F13A1: variants seen among roughly 807,000 people sequenced by gnomAD.
F13A1 encodes coagulation factor XIII A chain, also known as FSF, A subunit.
Under a neutral mutation model 80.1 loss-of-function variants are expected in F13A1, and 47 were observed. The ratio of observed to expected loss-of-function variants is 0.59; its 90% CI spans 0.46 to 0.75. F13A1 has a LOEUF of 0.75. Ranked by LOEUF, F13A1 falls within the 30% of genes least tolerant of loss-of-function variation. The pLI, the probability that F13A1 is intolerant of heterozygous loss-of-function variation, is 0.00. For synonymous variants in F13A1, 349 were observed against 344.9 expected (o/e 1.01, Z -0.13); for missense variants, 817 against 930.4 (o/e 0.88, Z 1.59).
chr6:6,259,986 T>C (rs1165198378), intron 4 of F13A1, among the ~76,000 whole-genome samples: 1 of 152,164 alleles, frequency 6.6e-6, no homozygotes, highest in Non-Finnish European at 1.5e-5. Flanking sequence ...AATAGTGAAA[T>C]ACATTCAATA....
chr6:6,163,827 C>T (rs112558660), intron 13 of F13A1, among the ~76,000 whole-genome samples: 47 of 152,214 alleles, frequency 3.1e-4, no homozygotes, highest in African/African-American at 1.1e-3. Context: ...TGGGTATCTA[C>T]GCAGTAATGG....
chr6:6,217,625 A>G (rs988496930), intron 8 of F13A1, among the ~76,000 whole-genome samples: 4 of 151,976 alleles, frequency 2.6e-5, no homozygotes, highest in Non-Finnish European at 5.9e-5. Context: ...ACATGTATAC[A>G]TATGTTACTA....
At chr6:6,301,688 T>C (rs1758434739) in intron 3 of F13A1, among the ~76,000 whole-genome samples, 1 of 152,252 alleles carries the variant, frequency 6.6e-6, no homozygotes, top group Non-Finnish European at 1.5e-5. Flanking sequence ...TAATGGATGC[T>C]GTGGTGGGCT....
rs7756161 is a variant in F13A1 at position 6,239,426 on chromosome 6, T to C, written c.798+8886A>G. The stretch of plus-strand genomic sequence containing the variant: ...CAATCAAAAGTCATTGAATTGTGCA[T>C]TTAATATCCATGATTTTTTACTGTA... On this transcript the variant is annotated intron_variant, in intron 6 of 14. Transcript: ENST00000264870. 8.3e-3 allele frequency among the ~76,000 whole-genome samples: 1,258 copies of C among 152,274 alleles called. 21 individuals carry two copies. Among genetic ancestry groups the C allele is most frequent in the African/African-American group, 0.028 (1,150 of 41,526 alleles).
chr6:6,303,948 C>CT (rs1758472909), intron 3 of F13A1, among the ~76,000 whole-genome samples: 2 of 152,068 alleles, frequency 1.3e-5, no homozygotes. Flanking sequence ...TAATACAGTG[C>CT]TTTTTTCCCT....
At chr6:6,248,501 C>G in intron 5 of F13A1, 82 bp from the exon 6 acceptor site, 1 of 1,046,542 alleles carries the variant, frequency 9.6e-7, no homozygotes, top group Non-Finnish European at 1.4e-6. Flanking sequence ...AACATGAAAC[C>G]ACAACCTAAT....
At chr6:6,247,424 A>G (rs533139502) in intron 6 of F13A1, among the ~76,000 whole-genome samples, 14 of 152,294 alleles carry the variant, frequency 9.2e-5, no homozygotes, top group African/African-American at 3.4e-4. Flanking sequence ...TTCTTCAGAA[A>G]TAATCTACTC....
chr6:6,148,569 G>T (rs1418201123), intron 14 of F13A1, among the ~76,000 whole-genome samples: 1 of 152,192 alleles, frequency 6.6e-6, no homozygotes, highest in Non-Finnish European at 1.5e-5. Flanking sequence ...TTGTTACATG[G>T]ATCTGGCGCT....
chr6:6,253,402 G>T (rs1023476798), intron 4 of F13A1, among the ~76,000 whole-genome samples: 12 of 152,162 alleles, frequency 7.9e-5, no homozygotes, highest in Admixed American at 3.9e-4. Flanking sequence ...GCAAGTAGGG[G>T]TCTAAAATAT....
intron 10 of F13A1, among the ~76,000 whole-genome samples, chr6:6,192,917 A>C (rs888682456): frequency 2.6e-5 from 4 of 152,150 alleles, no homozygotes; most frequent in Non-Finnish European, 5.9e-5. Context: ...AGAAGGAGAG[A>C]GTTCTTCACT....
chr6:6,289,581 T>C (rs940096621), intron 3 of F13A1, among the ~76,000 whole-genome samples: 1 of 152,160 alleles, frequency 6.6e-6, no homozygotes, highest in African/African-American at 2.4e-5. Context: ...GTGAGATTTT[T>C]TTCCCCCTTG....
intron 4 of F13A1, among the ~76,000 whole-genome samples, chr6:6,253,522 C>G (rs748507129): frequency 6.6e-6 from 1 of 152,174 alleles, no homozygotes; most frequent in Non-Finnish European, 1.5e-5. Flanking sequence ...AGCAGAGGGT[C>G]TCCGGAGCTC....
intron 13 of F13A1, among the ~76,000 whole-genome samples, chr6:6,166,883 T>C (rs1262755217): frequency 6.6e-6 from 1 of 152,208 alleles, no homozygotes; most frequent in Non-Finnish European, 1.5e-5. Flanking sequence ...GGTGATAGTC[T>C]AGGGGGTTAT....
At chr6:6,168,513 G>A (rs1462391489) in intron 12 of F13A1, among the ~76,000 whole-genome samples, 1 of 152,222 alleles carries the variant, frequency 6.6e-6, no homozygotes, top group African/African-American at 2.4e-5. Context: ...GGAGCCAGAT[G>A]CCTGTATGTG....
chr6:6,272,805 A>G (rs778222714), intron 3 of F13A1, among the ~76,000 whole-genome samples: 1 of 152,218 alleles, frequency 6.6e-6, no homozygotes, highest in Non-Finnish European at 1.5e-5. Flanking sequence ...ATATACTTTC[A>G]AGAGAATTAC....
At position 6,226,214 on chromosome 6, in the gene F13A1, A is replaced by G. The variant is rs145854925; in HGVS notation, c.799-1354T>C. ...GGGGAGTCCAGGAGCTTTTCCAAAA[A>G]CTGGTGCCATTTCAACAATGTTTAC... On this transcript the variant is annotated intron_variant, in intron 6 of 14. Transcript: ENST00000264870. Among the ~76,000 whole-genome samples the G allele has an allele frequency of 3.6e-4, 55 of 152,256 alleles. No homozygotes were observed. The East Asian group carries it at 7.2e-3, about 20-fold the overall frequency.
chr6:6,266,699 G>C lies in F13A1; in HGVS notation c.430C>G (p.Arg144Gly). The C allele has an allele frequency of 6.2e-7, 1 of 1,614,136 alleles. No homozygotes were observed. The highest frequency in any genetic ancestry group is 8.5e-7 in the Non-Finnish European group (1 of 1,180,034). ...TTGGGGGAAGACTGGATGGACAGCC[G>C]CACAGACCTGTCCTCTCTCATGACA... ...KIVMREDRSV[R>G]LSIQSSPKCI... is the part of the protein sequence containing the mutation. Residue 144 changes from arginine (R) to glycine (G), a missense_variant, in exon 4 of 15, where the codon CGG (arginine) becomes GGG (glycine). Coordinates refer to ENST00000264870, the MANE Select transcript of F13A1 (RefSeq NM_000129.4).
At chr6:6,311,522 C>CAAAAAAAA (rs36187372) in intron 2 of F13A1, among the ~76,000 whole-genome samples, 1 of 142,976 alleles carries the variant, frequency 7.0e-6, no homozygotes, top group African/African-American at 2.5e-5. Flanking sequence ...AAACCTAAGT[C>CAAAAAAAA]AAAAAAAAAA....
Position 6,144,144 on chromosome 6 carries a change from A to G in F13A1, c.*1475T>C, listed in dbSNP as rs1039293089. ...CATTGTAATTAATAATAATATACTA[A>G]GTTAAGCCAGTTTAACTGTCTAGCA... On this transcript the variant is annotated 3_prime_UTR_variant, in exon 15 of 15. Coordinates refer to ENST00000264870, the MANE Select transcript of F13A1 (RefSeq NM_000129.4). 6.6e-6 allele frequency: 1 copy of G among 152,224 alleles called. No individual in the cohort carries two copies. Among genetic ancestry groups the G allele is most frequent in the Non-Finnish European group, 1.5e-5 (1 of 68,046 alleles). The allele number at this position is 152,224 out of a possible 1,614,324, so 9.4% of individuals were successfully genotyped here.
Sources: gnomAD v4.1 joint callset for allele counts (sites outside exome capture counted in the v4.1 genomes callset) on GRCh38, gnomAD v4.1.1 for gene constraint, MANE v1.5 for transcripts, NCBI Gene and HGNC (gene_info 2026-07-23, HGNC 2026-07-21) for gene names.